The following EEF1B2 variants were observed in gnomAD, a reference collection of about 807,000 sequenced individuals.
EEF1B2 encodes elongation factor 1-beta.
In EEF1B2, 12 loss-of-function variants were observed where a neutral mutation model predicts 28.3. That is an observed-to-expected ratio of 0.42 (90% CI 0.27 to 0.69). EEF1B2 has a LOEUF of 0.69. EEF1B2 is among the 30% of genes least tolerant of loss of function. The pLI, the probability that EEF1B2 is intolerant of heterozygous loss-of-function variation, is 0.22. For synonymous variants in EEF1B2, 83 were observed against 99.9 expected (o/e 0.83, Z 1.01); for missense variants, 234 against 272.6 (o/e 0.86, Z 1.00).
chr2:206,160,925 C>T (rs1359488111), intron 2 of EEF1B2: 3 of 791,426 alleles, frequency 3.8e-6, no homozygotes, highest in African/African-American at 1.7e-5. Context: ...TTTCCCCACA[C>T]TGCCCTGCCA....
rs1050829522 is a variant in EEF1B2 at position 206,160,580 on chromosome 2, C to T, written c.81-8C>T. 21 of 1,613,840 alleles carry T rather than the reference C, an allele frequency of 1.3e-5. No homozygotes were observed. Among genetic ancestry groups the T allele is most frequent in the Non-Finnish European group, 1.6e-5 (19 of 1,179,992 alleles). ...AGGTGTGTGTGAATGTTTCTGTGTC[C>T]TTGGCAGGTATGTGCCATCACAAGC... is the stretch of plus-strand genomic sequence containing the variant. On this transcript the variant is annotated splice_region_variant and splice_polypyrimidine_tract_variant and intron_variant, in intron 1 of 5. Coordinates refer to ENST00000392222, the MANE Select transcript of EEF1B2 (RefSeq NM_001959.4).
intron 3 of EEF1B2, 36 bp from the exon 4 acceptor site, chr2:206,162,002 A>G (rs2105786752): frequency 6.3e-7 from 1 of 1,588,350 alleles, no homozygotes; most frequent in Non-Finnish European, 8.6e-7. Flanking sequence ...AGGAACAACC[A>G]GCTTTCTGAA....
At chr2:206,160,137 C>G in intron 1 of EEF1B2, 78 bp downstream of exon 1, 3 of 1,537,202 alleles carry the variant, frequency 2.0e-6, no homozygotes, top group Non-Finnish European at 2.6e-6. Context: ...AGCGTGTCGG[C>G]TGCCGCGGGA....
intron 4 of EEF1B2, 65 bp downstream of exon 4, chr2:206,162,169 T>G: frequency 3.3e-6 from 5 of 1,501,066 alleles, no homozygotes; most frequent in Non-Finnish European, 4.6e-6. Context: ...AGCTTGACCT[T>G]GAAGTAATTT....
At position 206,160,066 on chromosome 2, in the gene EEF1B2, G is replaced by C. The variant is rs776257230; in HGVS notation, c.80+7G>C. ...ACAAGAGCTACATCGAGGGGTGAGCGGACGGGCTGAGTCGGGGTGGCGGGG... is the reference window on the plus strand; with the variant it reads ...ACAAGAGCTACATCGAGGGGTGAGCCGACGGGCTGAGTCGGGGTGGCGGGG... On this transcript the variant is annotated splice_region_variant and intron_variant, in intron 1 of 5. Coordinates refer to ENST00000392222, the MANE Select transcript of EEF1B2 (RefSeq NM_001959.4). 1 of 1,610,370 alleles carries C rather than the reference G, an allele frequency of 6.2e-7. No homozygotes were observed. Among genetic ancestry groups the C allele is most frequent in the Non-Finnish European group, 8.5e-7 (1 of 1,178,460 alleles).
chr2:206,160,628 G>T lies in EEF1B2; in HGVS notation c.121G>T (p.Val41Leu), dbSNP rs558363126. ...SQADVAVFEA[V>L]SSPPPADLCH... Reference sequence around the variant, plus strand: ...AGCAGATGTGGCAGTATTTGAAGCCGTGTCCAGCCCACCGCCTGCCGACTT... The same window carrying T: ...AGCAGATGTGGCAGTATTTGAAGCCTTGTCCAGCCCACCGCCTGCCGACTT... Residue 41 changes from valine (V) to leucine (L), a missense_variant, in exon 2 of 6, where the codon GTG becomes TTG. Val to Leu is a conservative substitution (Grantham distance 32). This residue lies in a region of EEF1B2 where 178 missense variants were observed against 173.3 expected (regional missense o/e 1.03). Transcript: ENST00000392222. The T allele has an allele frequency of 6.2e-6, 10 of 1,613,888 alleles. No individual in the cohort carries two copies. The African/African-American group carries it at 1.2e-4, about 19-fold the overall frequency.
At chr2:206,161,904 T>C (rs747621942) in intron 3 of EEF1B2, 134 bp from the exon 4 acceptor site, 3 of 806,254 alleles carry the variant, frequency 3.7e-6, no homozygotes, top group Non-Finnish European at 6.7e-6. Flanking sequence ...TAAAATCAAA[T>C]CACCATCTTT....
rs939582492 is a variant in EEF1B2, at chr2:206,159,905, C to G, written c.-75C>G. 18 of 1,539,422 alleles carry G rather than the reference C, an allele frequency of 1.2e-5. No individual in the cohort carries two copies. Among genetic ancestry groups the G allele is most frequent in the African/African-American group, 2.8e-5 (2 of 71,078 alleles). On this transcript the variant is annotated 5_prime_UTR_variant, in exon 1 of 6. Coordinates refer to ENST00000392222, the MANE Select transcript of EEF1B2 (RefSeq NM_001959.4). ...CCGGTCTCTTCGGGTCCTTTTTCCT[C>G]TCTTCAGCGTGGGGCGCCCACAATT...
intron 2 of EEF1B2, 27 bp downstream of exon 2, chr2:206,160,737 A>C (rs1687900169): frequency 6.2e-7 from 1 of 1,613,680 alleles, no homozygotes; most frequent in African/African-American, 1.3e-5. Flanking sequence ...ATAGAGCTGA[A>C]GAATAAGACT....
In EEF1B2 at chr2:206,159,971, G is replaced by C; in HGVS notation, c.-9G>C. 6.2e-7 allele frequency: 1 copy of C among 1,611,526 alleles called. No individual in the cohort carries two copies. ...TGCTGCTCCCCAGCTCTCGGATACAGCCGACACCATGGGTTTCGGAGACCT... is the reference window on the plus strand; with the variant it reads ...TGCTGCTCCCCAGCTCTCGGATACACCCGACACCATGGGTTTCGGAGACCT... On this transcript the variant is annotated 5_prime_UTR_variant, in exon 1 of 6. Coordinates refer to ENST00000392222, the MANE Select transcript of EEF1B2 (RefSeq NM_001959.4).
Position 206,162,829 on chromosome 2 carries a change from T to G in EEF1B2, c.624T>G (p.Thr208=). ...CAGATATGCTGGAGGAGCAGATCAC[T>G]GCTTTTGAGGACTATGTGCAGTCCA... The part of the protein sequence containing the change: ...VGTDMLEEQI[T]AFEDYVQSMD... Residue 208 remains threonine, a synonymous_variant, in exon 6 of 6, where the codon ACT becomes ACG. Coordinates refer to ENST00000392222, the MANE Select transcript of EEF1B2 (RefSeq NM_001959.4). The G allele has an allele frequency of 6.2e-7, 1 of 1,604,124 alleles. No individual in the cohort carries two copies. The highest frequency in any genetic ancestry group is 1.7e-4 in the Middle Eastern group (1 of 6,054).
Position 206,159,923 on chromosome 2 carries a change from C to G in EEF1B2, c.-57C>G. The G allele has an allele frequency of 6.3e-7, 1 of 1,585,922 alleles. No homozygotes were observed. Among genetic ancestry groups the G allele is most frequent in the Non-Finnish European group, 8.6e-7 (1 of 1,165,820 alleles). On this transcript the variant is annotated 5_prime_UTR_variant, in exon 1 of 6. Transcript: ENST00000392222. Reference sequence around the variant, plus strand: ...TTTTCCTCTCTTCAGCGTGGGGCGCCCACAATTTGCGCGCTCTCTTTCTGC... The same window carrying G: ...TTTTCCTCTCTTCAGCGTGGGGCGCGCACAATTTGCGCGCTCTCTTTCTGC...
rs893814080 is a variant in EEF1B2, at chr2:206,162,323, A to G, written c.398-166A>G. On this transcript the variant is annotated intron_variant, in intron 4 of 5. Transcript: ENST00000392222. ...TTAACACAAACACCTCTTTCTTAGCAAAACAGAAAGTGGGTATATATGTGT... is the reference window on the plus strand; with the variant it reads ...TTAACACAAACACCTCTTTCTTAGCGAAACAGAAAGTGGGTATATATGTGT... The G allele has an allele frequency of 2.1e-5, 26 of 1,267,994 alleles. No homozygotes were observed. The East Asian group carries it at 4.2e-4, about 20-fold the overall frequency. The allele number at this position is 1,267,994 out of a possible 1,614,324, so 78.5% of individuals were successfully genotyped here. A position where few individuals can be genotyped will look rare whatever the true frequency, so the allele number is the denominator to read the frequency against.
At chr2:206,161,929 A>T (rs766249845) in intron 3 of EEF1B2, 109 bp from the exon 4 acceptor site, 2 of 907,596 alleles carry the variant, frequency 2.2e-6, no homozygotes, top group Non-Finnish European at 1.9e-6. Flanking sequence ...TGAGTTCGTG[A>T]TGGATTTGCT....
In EEF1B2 at chr2:206,162,559, G is replaced by T; in HGVS notation, c.468G>T (p.Ala156=). The T allele has an allele frequency of 1.2e-6, 2 of 1,613,280 alleles. No individual in the cohort carries two copies. Among genetic ancestry groups the T allele is most frequent in the Non-Finnish European group, 1.7e-6 (2 of 1,180,022 alleles). The change falls in exon 5 of 6, where the codon GCG becomes GCT. Residue 156 remains alanine (A), a synonymous_variant. Transcript: ENST00000392222. ...VKPWDDETDM[A]KLEECVRSIQ... ...CTTGGGATGATGAGACAGATATGGC[G>T]AAATTAGAGGAGTGCGTCAGAAGCA...
chr2:206,159,777 C>T, upstream of EEF1B2: 1 of 539,632 alleles, frequency 1.9e-6, no homozygotes. Context: ...TTCAGGGCCC[C>T]CAATTCGTAC....
chr2:206,160,175 T>G, intron 1 of EEF1B2, 116 bp downstream of exon 1: 2 of 1,308,052 alleles, frequency 1.5e-6, no homozygotes, highest in Admixed American at 5.2e-5. Context: ...CGGGGCCCTT[T>G]CGAGAGGGAG....
At chr2:206,162,363 GT>G in intron 4 of EEF1B2, 125 bp from the exon 5 acceptor site, 1 of 1,450,196 alleles carries the variant, frequency 6.9e-7, no homozygotes, top group Non-Finnish European at 9.7e-7. Context: ...GACACAAGAT[GT>G]ATCTGTAGTT....
intron 4 of EEF1B2, 174 bp from the exon 5 acceptor site, chr2:206,162,311 CTCTT>C (rs760588035): frequency 1.9e-5 from 23 of 1,200,064 alleles, no homozygotes; most frequent in Middle Eastern, 1.9e-4. Context: ...ACACAAACAC[CTCTT>C]TCTTAGCAAA....
Sources: gnomAD v4.1 joint callset for allele counts on GRCh38, gnomAD v4.1.1 for gene constraint, gnomAD v4.1.1 regional missense constraint, MANE v1.5 for transcripts, NCBI Gene and HGNC (gene_info 2026-07-23, HGNC 2026-07-21) for gene names.